The following DDX19A variants were observed in gnomAD, a reference collection of about 807,000 sequenced individuals.
DDX19A encodes the protein ATP-dependent RNA helicase DDX19A.
Under a neutral mutation model 60.6 loss-of-function variants are expected in DDX19A, and 12 were observed. The ratio of observed to expected loss-of-function variants is 0.20; its 90% CI spans 0.13 to 0.32. The LOEUF is 0.32. DDX19A is among the 10% of genes least tolerant of loss of function. The pLI is 1.00. For synonymous variants in DDX19A, 206 were observed against 218.2 expected, an observed-to-expected ratio of 0.94 and a Z score of 0.49; for missense variants, 337 against 600.6, an observed-to-expected ratio of 0.56 and a Z score of 4.59.
chr16:70,366,968 C>T (rs1428021957), intron 9 of DDX19A, 107 bp downstream of exon 9: 2 of 1,319,914 alleles, frequency 1.5e-6, no homozygotes, highest in East Asian at 2.3e-5. Flanking sequence ...AAGGGAAGTG[C>T]TTTTTGAAGA....
chr16:70,350,626 A>C, intron 2 of DDX19A, 21 bp downstream of exon 2: 1 of 1,595,926 alleles, frequency 6.3e-7, no homozygotes, highest in Non-Finnish European at 8.6e-7. Context: ...AGTAACTACA[A>C]GCTAGAAAAG....
At chr16:70,352,965 T>G (rs770830243) in intron 2 of DDX19A, among the ~76,000 whole-genome samples, 2 of 152,024 alleles carry the variant, frequency 1.3e-5, no homozygotes, top group Non-Finnish European at 2.9e-5. Flanking sequence ...AAAGCAATCA[T>G]AGATGTTTGG....
chr16:70,346,914 C>T lies in DDX19A; in HGVS notation c.-78C>T. The T allele has an allele frequency of 6.9e-7, 1 of 1,450,700 alleles. No homozygotes were observed. Among genetic ancestry groups the T allele is most frequent in the Non-Finnish European group, 9.5e-7 (1 of 1,057,786 alleles). The allele number at this position is 1,450,700 out of a possible 1,614,324, so 89.9% of individuals were successfully genotyped here. ...GGTCCGCGTGAGGTGCATTCTCGCG[C>T]CGGTGGCGAGGTTAGGGCCCGCGTT... On this transcript the variant is annotated 5_prime_UTR_variant, in exon 1 of 12. Transcript: ENST00000302243.
chr16:70,351,775 C>T (rs926401920), intron 2 of DDX19A, among the ~76,000 whole-genome samples: 10 of 151,346 alleles, frequency 6.6e-5, no homozygotes, highest in Non-Finnish European at 8.8e-5. Context: ...TGATCCACCC[C>T]GCTTGGCCTC....
At chr16:70,364,759 G>A in intron 6 of DDX19A, 114 bp downstream of exon 6, 1 of 814,058 alleles carries the variant, frequency 1.2e-6, no homozygotes, top group Admixed American at 2.2e-5. Context: ...TGTGGCTCAG[G>A]CAGAGCAAGT....
In DDX19A at chr16:70,365,037, A is replaced by G. The variant is rs1142622; in HGVS notation, c.510A>G (p.Thr170=). 15 of 1,614,146 alleles carry G rather than the reference A, an allele frequency of 9.3e-6. No homozygotes were observed. The highest frequency in any genetic ancestry group is 1.7e-5 in the Admixed American group (1 of 60,014). The stretch of plus-strand genomic sequence containing the variant: ...GTCAGTGTCTGTGCCTCTCCCCAAC[A>G]TATGAGCTGGCGCTTCAAACAGGAA... ...RYPQCLCLSP[T]YELALQTGKV... is the part of the protein sequence containing the mutation. Residue 170 remains threonine, a synonymous_variant, in exon 7 of 12, where the codon ACA becomes ACG. Transcript: ENST00000302243.
intron 9 of DDX19A, among the ~76,000 whole-genome samples, chr16:70,367,442 T>C (rs1412637444): frequency 2.0e-5 from 3 of 150,852 alleles, no homozygotes; most frequent in Admixed American, 2.0e-4. Context: ...AAAAAAAAGT[T>C]CAACAAGATA....
chr16:70,355,930 C>G lies in DDX19A; in HGVS notation c.158-182C>G, dbSNP rs927052942. 3.3e-5 allele frequency: 25 copies of G among 768,490 alleles called. No homozygotes were observed. In the Admixed American group the frequency reaches 6.3e-4, roughly 19 times the overall value. The allele number at this position is 768,490 out of a possible 1,614,324, so 47.6% of individuals were successfully genotyped here. ...TGAGCTCTGATTGCTCCACTGCACT[C>G]CAGCCTGGGTGACAGCAAGACCCCA... On this transcript the variant is annotated intron_variant, in intron 3 of 11. Coordinates refer to ENST00000302243, the MANE Select transcript of DDX19A (RefSeq NM_018332.5).
At chr16:70,349,934 A>T (rs1225887231) in intron 1 of DDX19A, among the ~76,000 whole-genome samples, 1 of 152,136 alleles carries the variant, frequency 6.6e-6, no homozygotes, top group East Asian at 1.9e-4. Flanking sequence ...GTGTACCTTC[A>T]CTTAATAAAT....
intron 1 of DDX19A, 58 bp from the exon 2 acceptor site, chr16:70,350,499 G>A: frequency 7.3e-7 from 1 of 1,366,082 alleles, no homozygotes; most frequent in Non-Finnish European, 1.0e-6. Context: ...TCTTTTCTTA[G>A]GGACCTTCCT....
At chr16:70,365,332 TAA>T in intron 7 of DDX19A, 22 of 365,426 alleles carry the variant, frequency 6.0e-5, no homozygotes, top group East Asian at 2.0e-4. Context: ...TTCGGTTGAT[TAA>T]AAAAAAAAAT....
intron 9 of DDX19A, among the ~76,000 whole-genome samples, 171 bp from the exon 10 acceptor site, chr16:70,370,052 C>T (rs796215650): frequency 2.0e-5 from 3 of 152,194 alleles, no homozygotes; most frequent in Non-Finnish European, 4.4e-5. Flanking sequence ...ATATCTTCAG[C>T]TGAGCGTGGT....
At chr16:70,347,792 G>A in intron 1 of DDX19A, 1 of 216,216 alleles carries the variant, frequency 4.6e-6, no homozygotes, top group Non-Finnish European at 9.7e-6. Context: ...CCGGGTTCAA[G>A]CGATTCTCCT....
intron 1 of DDX19A, 64 bp from the exon 2 acceptor site, chr16:70,350,493 T>C (rs1963977681): frequency 7.6e-7 from 1 of 1,323,700 alleles, no homozygotes; most frequent in Non-Finnish European, 1.1e-6. Flanking sequence ...AGTTTTTCTT[T>C]TCTTAGGGAC....
In DDX19A at chr16:70,348,583, C is replaced by T. The variant is rs914533755; in HGVS notation, c.57+1535C>T. Among the ~76,000 whole-genome samples the T allele has an allele frequency of 2.7e-5, 4 of 148,298 alleles. No individual in the cohort carries two copies. The South Asian group carries it at 6.4e-4, about 24-fold the overall frequency. On this transcript the variant is annotated intron_variant, in intron 1 of 11. Coordinates refer to ENST00000302243, the MANE Select transcript of DDX19A (RefSeq NM_018332.5). The stretch of plus-strand genomic sequence containing the variant: ...TGGAGGTTGCAGTGAGCCAAAATTA[C>T]GCCACTGCACTCCAGCCTGGGCTAC...
At chr16:70,358,385 C>T (rs1008823317) in intron 4 of DDX19A, among the ~76,000 whole-genome samples, 2 of 151,728 alleles carry the variant, frequency 1.3e-5, no homozygotes, top group African/African-American at 2.4e-5. Flanking sequence ...GGCCAGGTTG[C>T]TCCTGAACTC....
intron 4 of DDX19A, among the ~76,000 whole-genome samples, chr16:70,357,258 C>CAA (rs1163431591): frequency 1.3e-3 from 83 of 64,896 alleles, no homozygotes; most frequent in African/African-American, 6.5e-3. Context: ...GACTCTCTCT[C>CAA]AAAAAAAAAA....
At position 70,372,177 on chromosome 16, in the gene DDX19A, A is replaced by G; in HGVS notation, c.*191A>G. 1 of 988,596 alleles carries G rather than the reference A, an allele frequency of 1.0e-6. No individual in the cohort carries two copies. The highest frequency in any genetic ancestry group is 1.5e-6 in the Non-Finnish European group (1 of 673,044). 61.2% of individuals were successfully genotyped at this position (988,596 alleles called of 1,614,324 possible). On this transcript the variant is annotated 3_prime_UTR_variant, in exon 12 of 12. Coordinates refer to ENST00000302243, the MANE Select transcript of DDX19A (RefSeq NM_018332.5). Reference sequence around the variant, plus strand: ...ATGATGGGGGGCAATAGAAGAAAAAATTTGCATTTTGGAAAATTGGGTCCT... The same window carrying G: ...ATGATGGGGGGCAATAGAAGAAAAAGTTTGCATTTTGGAAAATTGGGTCCT...
chr16:70,348,886 C>T (rs975054965), intron 1 of DDX19A, among the ~76,000 whole-genome samples: 3 of 151,996 alleles, frequency 2.0e-5, no homozygotes, highest in Non-Finnish European at 2.9e-5. Flanking sequence ...GTTGAGGCTG[C>T]AGTGAGCTGT....
Sources: gnomAD v4.1 joint callset for allele counts (sites outside exome capture counted in the v4.1 genomes callset) on GRCh38, gnomAD v4.1.1 for gene constraint, MANE v1.5 for transcripts, NCBI Gene and HGNC (gene_info 2026-07-23, HGNC 2026-07-21) for gene names.